The following GRID2 variants were observed in gnomAD, a reference collection of about 807,000 sequenced individuals.
GRID2 encodes glutamate receptor ionotropic, delta-2.
Under a neutral mutation model 114.8 loss-of-function variants are expected in GRID2, and 33 were observed. The ratio of observed to expected loss-of-function variants is 0.29; its 90% CI spans 0.22 to 0.38. The LOEUF (loss-of-function observed/expected upper bound fraction) is 0.38. GRID2 is among the 10% of genes least tolerant of loss of function. The pLI is 1.00. For synonymous variants in GRID2, 505 were observed against 449.9 expected, an observed-to-expected ratio of 1.12 and a Z score of -1.55; for missense variants, 1,184 against 1,257.7, an observed-to-expected ratio of 0.94 and a Z score of 0.89.
chr4:92,896,233 T>G (rs979986970), intron 2 of GRID2, among the ~76,000 whole-genome samples: 1 of 152,188 alleles, frequency 6.6e-6, no homozygotes, highest in African/African-American at 2.4e-5. Context: ...CCAGGCAATA[T>G]GTATTCAAGG....
chr4:92,357,715 A>G (rs1439440386), intron 1 of GRID2, among the ~76,000 whole-genome samples: 4 of 151,874 alleles, frequency 2.6e-5, no homozygotes, highest in African/African-American at 9.7e-5. Context: ...ATATAAATAC[A>G]TTGAGTAGTT....
intron 2 of GRID2, among the ~76,000 whole-genome samples, chr4:92,697,185 G>C (rs1416509359): frequency 6.6e-6 from 1 of 152,016 alleles, no homozygotes; most frequent in East Asian, 1.9e-4. Context: ...TCTGATCCTG[G>C]CTGCTTATAT....
chr4:93,071,565 T>A (rs957134237), intron 2 of GRID2, among the ~76,000 whole-genome samples: 4 of 152,108 alleles, frequency 2.6e-5, no homozygotes, highest in African/African-American at 9.7e-5. Context: ...TGAGTGGGGC[T>A]GCAGGAACTG....
At chr4:92,938,137 A>G (rs904951770) in intron 2 of GRID2, among the ~76,000 whole-genome samples, 8 of 146,870 alleles carry the variant, frequency 5.4e-5, no homozygotes, top group African/African-American at 1.9e-4. Context: ...TCAATATGGT[A>G]TAGTACATTG....
Position 92,780,944 on chromosome 4 carries a change from G to T in GRID2, c.244+190658G>T, listed in dbSNP as rs116391720. ...TCAGGGTTTTTGATCGTTTTCTTTT[G>T]TTTTATTTTTGCTTAAACAACAGGT... On this transcript the variant is annotated intron_variant, in intron 2 of 15. Coordinates refer to ENST00000282020, the MANE Select transcript of GRID2 (RefSeq NM_001510.4). 9.7e-3 allele frequency among the ~76,000 whole-genome samples: 1,482 copies of T among 152,028 alleles called. 32 individuals carry two copies. The highest frequency in any genetic ancestry group is 0.034 in the African/African-American group (1,397 of 41,490).
chr4:92,718,556 G>A (rs1158878851), intron 2 of GRID2, among the ~76,000 whole-genome samples: 1 of 151,936 alleles, frequency 6.6e-6, no homozygotes, highest in Non-Finnish European at 1.5e-5. Context: ...TTGAGGCCAG[G>A]AGCTCAAGAC....
intron 8 of GRID2, among the ~76,000 whole-genome samples, chr4:93,381,426 A>G (rs1022360333): frequency 2.0e-5 from 3 of 152,124 alleles, no homozygotes; most frequent in African/African-American, 7.2e-5. Context: ...ACTGATAAGG[A>G]GAGACTTACT....
intron 1 of GRID2, among the ~76,000 whole-genome samples, chr4:93,805,759 A>G (rs148681874): frequency 1.3e-5 from 2 of 152,290 alleles, no homozygotes; most frequent in East Asian, 3.9e-4. Context: ...GAAATATGCC[A>G]TCTACTCCTC....
At position 93,560,809 on chromosome 4, in the gene GRID2, T is replaced by C. The variant is rs942512106; in HGVS notation, c.2193+45398T>C. 2.6e-5 allele frequency among the ~76,000 whole-genome samples: 4 copies of C among 152,294 alleles called. No homozygotes were observed. In the South Asian group the frequency reaches 6.2e-4, roughly 24 times the overall value. The stretch of plus-strand genomic sequence containing the variant: ...ACCTATATATTTTATACAGACATCA[T>C]GGATCATTCTATGCAATAAAATTGT... On this transcript the variant is annotated intron_variant, in intron 13 of 15. Transcript: ENST00000282020.
At chr4:92,592,650 T>G (rs1728758226) in intron 2 of GRID2, among the ~76,000 whole-genome samples, 1 of 152,060 alleles carries the variant, frequency 6.6e-6, no homozygotes, top group Non-Finnish European at 1.5e-5. Flanking sequence ...GCTGGACAGT[T>G]TGCCTGATGG....
chr4:92,956,640 G>T (rs1486677124), intron 2 of GRID2, among the ~76,000 whole-genome samples: 1 of 152,102 alleles, frequency 6.6e-6, no homozygotes, highest in Non-Finnish European at 1.5e-5. Context: ...GTTTTTGTCT[G>T]AACATAAGTT....
chr4:92,694,978 G>A (rs1288048058), intron 2 of GRID2, among the ~76,000 whole-genome samples: 1 of 151,826 alleles, frequency 6.6e-6, no homozygotes, highest in Non-Finnish European at 1.5e-5. Flanking sequence ...ATTTTGTTTT[G>A]TTTTTTGGGA....
chr4:92,562,731 C>T (rs1217107025), intron 1 of GRID2, among the ~76,000 whole-genome samples: 3 of 151,982 alleles, frequency 2.0e-5, no homozygotes, highest in Admixed American at 6.6e-5. Context: ...TCTTGGCTCT[C>T]CAAACCACAT....
intron 2 of GRID2, among the ~76,000 whole-genome samples, chr4:92,773,608 AAT>A (rs1310007144): frequency 1.3e-5 from 2 of 152,008 alleles, no homozygotes; most frequent in African/African-American, 4.8e-5. Flanking sequence ...TAAAATGTAT[AAT>A]GTTATCAAAT....
At chr4:93,626,509 T>G (rs1241925414) in intron 14 of GRID2, 74 bp downstream of exon 14, 3 of 960,196 alleles carry the variant, frequency 3.1e-6, no homozygotes, top group Non-Finnish European at 4.7e-6. Flanking sequence ...TTACCAGATC[T>G]GGTTTATTAC....
chr4:92,429,189 C>T (rs961531869), intron 1 of GRID2, among the ~76,000 whole-genome samples: 13 of 152,288 alleles, frequency 8.5e-5, no homozygotes, highest in South Asian at 4.1e-4. Context: ...TATTTCGATG[C>T]AAGCCTACAA....
intron 2 of GRID2, among the ~76,000 whole-genome samples, chr4:92,700,613 T>G (rs1734625643): frequency 6.6e-6 from 1 of 152,156 alleles, no homozygotes; most frequent in South Asian, 2.1e-4. Flanking sequence ...AATATGGAAG[T>G]CTAGACCAGG....
intron 14 of GRID2, among the ~76,000 whole-genome samples, chr4:93,679,577 T>C (rs1337492189): frequency 6.6e-6 from 1 of 150,688 alleles, no homozygotes; most frequent in African/African-American, 2.5e-5. Flanking sequence ...TAACAAACTG[T>C]CTCTCAGACC....
At chr4:93,783,407 T>C (rs1203536762) in intron 1 of GRID2, among the ~76,000 whole-genome samples, 2 of 152,216 alleles carry the variant, frequency 1.3e-5, no homozygotes, top group African/African-American at 4.8e-5. Flanking sequence ...ATGGGCTATT[T>C]CAGAATCAAG....
Sources: gnomAD v4.1 joint callset for allele counts (sites outside exome capture counted in the v4.1 genomes callset) on GRCh38, gnomAD v4.1.1 for gene constraint, MANE v1.5 for transcripts, NCBI Gene and HGNC (gene_info 2026-07-23, HGNC 2026-07-21) for gene names.